The following ABITRAM variants were observed in gnomAD, a reference collection of about 807,000 sequenced individuals.
The protein encoded by ABITRAM is actin binding transcription modulator, also known as protein Abitram.
A neutral mutation model predicts 22.9 loss-of-function variants in ABITRAM; 19 were observed. The observed-to-expected ratio is 0.83, with a 90% CI of 0.58 to 1.22. The LOEUF is 1.22. ABITRAM is among the 50% of genes most tolerant of loss of function. ABITRAM has a pLI of 0.00. For synonymous variants in ABITRAM, 70 were observed against 73.9 expected (o/e 0.95, Z 0.27); for missense variants, 215 against 220.2 (o/e 0.98, Z 0.15).
intron 2 of ABITRAM, 31 bp from the exon 3 acceptor site, chr9:108,936,277 A>G: frequency 6.2e-7 from 1 of 1,603,592 alleles, no homozygotes; most frequent in Non-Finnish European, 8.5e-7. Context: ...ATTCCAAGCA[A>G]TCACACAGGA....
downstream of ABITRAM, among the ~76,000 whole-genome samples, chr9:108,941,314 C>T (rs1309611359): frequency 6.6e-6 from 1 of 151,930 alleles, no homozygotes; most frequent in African/African-American, 2.4e-5. Context: ...ATAAACAAAC[C>T]AGCAGATCCT....
Position 108,934,551 on chromosome 9 carries a change from G to T in ABITRAM, c.65G>T (p.Arg22Leu), listed in dbSNP as rs191923651. ...TCGCTCGTGGATCGATACTTCACTC[G>T]CTGGTACAAACCGGGTAAGTGCGGA... ...VPSLVDRYFT[R>L]WYKPDVKGKF... is the part of the protein sequence containing the mutation. The change falls in exon 1 of 6, where the codon CGC becomes CTC. Residue 22 changes from arginine (R) to leucine (L), a missense_variant. Physicochemically the swap from Arg to Leu is moderately radical, Grantham distance 102. Coordinates refer to ENST00000322940, the MANE Select transcript of ABITRAM (RefSeq NM_017832.4). The T allele has an allele frequency of 6.9e-6, 11 of 1,605,764 alleles. No individual in the cohort carries two copies. The East Asian group carries it at 2.5e-4, about 36-fold the overall frequency.
At chr9:108,941,143 AAAT>A (rs1236523437), downstream of ABITRAM, among the ~76,000 whole-genome samples, 1 of 152,210 alleles carries the variant, frequency 6.6e-6, no homozygotes, top group East Asian at 1.9e-4. Flanking sequence ...ATTATTTACA[AAAT>A]AATACTTACT....
downstream of ABITRAM, chr9:108,943,044 C>T: frequency 6.2e-7 from 1 of 1,604,074 alleles, no homozygotes; most frequent in Non-Finnish European, 8.5e-7. Flanking sequence ...CACTTGTCAA[C>T]CTACAATGAC....
At chr9:108,950,703 T>C in exon 4 of ABITRAM, 1 of 1,407,594 alleles carries the variant, frequency 7.1e-7, no homozygotes, top group African/African-American at 1.5e-5. Flanking sequence ...TTTTCAGTCT[T>C]TCTGGTGACT....
intron 3 of ABITRAM, among the ~76,000 whole-genome samples, chr9:108,948,723 C>A (rs2132085654): frequency 6.6e-6 from 1 of 152,274 alleles, no homozygotes; most frequent in Admixed American, 6.5e-5. Flanking sequence ...CATAATAATA[C>A]TTGTGCTACC....
chr9:108,944,435 A>G (rs1830337369), downstream of ABITRAM, among the ~76,000 whole-genome samples: 1 of 152,246 alleles, frequency 6.6e-6, no homozygotes, highest in African/African-American at 2.4e-5. Flanking sequence ...AGGCAAGACA[A>G]AATTTGTCAC....
At chr9:108,945,424 G>GA (rs1554706267), downstream of ABITRAM, among the ~76,000 whole-genome samples, 2 of 138,002 alleles carry the variant, frequency 1.4e-5, no homozygotes, top group African/African-American at 2.7e-5. Context: ...AATGTATTTT[G>GA]TTTTTTTTTA....
chr9:108,940,022 G>T lies in ABITRAM; in HGVS notation c.*336G>T. On this transcript the variant is annotated 3_prime_UTR_variant, in exon 6 of 6. Transcript: ENST00000322940. ...ATACAGAAGAGTTTTAAGTAGCCAAGTAAAAATAATTTACCCATCATCCCA... is the reference window on the plus strand; with the variant it reads ...ATACAGAAGAGTTTTAAGTAGCCAATTAAAAATAATTTACCCATCATCCCA... 4.7e-6 allele frequency: 1 copy of T among 213,340 alleles called. No homozygotes were observed. The highest frequency in any genetic ancestry group is 9.3e-6 in the Non-Finnish European group (1 of 108,068). 13.2% of individuals were successfully genotyped at this position (213,340 alleles called of 1,614,324 possible).
chr9:108,943,782 T>G, downstream of ABITRAM: 2 of 1,613,852 alleles, frequency 1.2e-6, no homozygotes, highest in Non-Finnish European at 1.7e-6. Flanking sequence ...CTTGTTTATT[T>G]CCAGGAGAAG....
downstream of ABITRAM, among the ~76,000 whole-genome samples, chr9:108,944,182 G>A (rs1830330835): frequency 6.6e-6 from 1 of 152,142 alleles, no homozygotes. Context: ...AATGCACAAG[G>A]GTTTAACTGT....
chr9:108,950,023 CAAAA>C (rs145183101), intron 3 of ABITRAM, among the ~76,000 whole-genome samples: 3 of 76,110 alleles, frequency 3.9e-5, no homozygotes, highest in Admixed American at 2.6e-4. Context: ...GGCTACATCT[CAAAA>C]AAAAAAAAAA....
At chr9:108,935,590 G>A (rs371425095) in intron 1 of ABITRAM, 48 bp from the exon 2 acceptor site, 5 of 1,435,272 alleles carry the variant, frequency 3.5e-6, no homozygotes, top group Non-Finnish European at 4.9e-6. Flanking sequence ...CCACATAGTG[G>A]TAGTAAATAT....
chr9:108,939,222 AC>A lies in ABITRAM; in HGVS notation c.290del (p.Pro97LeufsTer23). On this transcript the variant is annotated frameshift_variant, in exon 4 of 6. Coordinates refer to ENST00000322940, the MANE Select transcript of ABITRAM (RefSeq NM_017832.4). LOFTEE classifies it high-confidence loss of function. The part of the protein sequence containing the change: ...RGAQFLTELA[P>X]LCKIYCSDGE... The stretch of plus-strand genomic sequence containing the variant: ...GGGCACAGTTTCTAACAGAGCTTGC[AC>A]CTCTCTGTAAGATTTACTGCTCAGA... 1 of 1,613,808 alleles carries A rather than the reference AC, an allele frequency of 6.2e-7. No homozygotes were observed. The highest frequency in any genetic ancestry group is 8.5e-7 in the Non-Finnish European group (1 of 1,179,902).
chr9:108,938,260 C>T (rs892140518), intron 3 of ABITRAM, among the ~76,000 whole-genome samples: 2 of 152,146 alleles, frequency 1.3e-5, no homozygotes, highest in South Asian at 2.1e-4. Flanking sequence ...AAATGAAGAA[C>T]CCACGTGCGG....
intron 2 of ABITRAM, 86 bp from the exon 3 acceptor site, chr9:108,936,222 A>G (rs1390133809): frequency 2.1e-6 from 3 of 1,446,626 alleles, no homozygotes; most frequent in Admixed American, 3.9e-5. Flanking sequence ...AACAAATACC[A>G]GTTCATACAT....
At chr9:108,946,913 A>C (rs1830419549) in intron 3 of ABITRAM, among the ~76,000 whole-genome samples, 1 of 152,156 alleles carries the variant, frequency 6.6e-6, no homozygotes, top group Non-Finnish European at 1.5e-5. Context: ...ACTTGGGCCA[A>C]ACTGAAAAAA....
downstream of ABITRAM, chr9:108,942,960 C>T: frequency 6.2e-7 from 1 of 1,611,642 alleles, no homozygotes; most frequent in Non-Finnish European, 8.5e-7. Flanking sequence ...AACTACCTCA[C>T]CTTCTTCAGC....
At chr9:108,945,628 G>GT (rs11287261), downstream of ABITRAM, among the ~76,000 whole-genome samples, 20 of 140,432 alleles carry the variant, frequency 1.4e-4, no homozygotes, top group South Asian at 2.2e-4. Context: ...TGCCCCGCTA[G>GT]TTTTTTTTTT....
Sources: gnomAD v4.1 joint callset for allele counts (sites outside exome capture counted in the v4.1 genomes callset) on GRCh38, gnomAD v4.1.1 for gene constraint, MANE v1.5 for transcripts, NCBI Gene and HGNC (gene_info 2026-07-23, HGNC 2026-07-21) for gene names.